Variants in ANXA13 observed in about 807,000 individuals in gnomAD.
The protein encoded by ANXA13 is annexin XIII.
A neutral mutation model predicts 46.6 loss-of-function variants in ANXA13; 36 were observed. That is an observed-to-expected ratio of 0.77 (90% CI 0.59 to 1.02). The LOEUF (loss-of-function observed/expected upper bound fraction) is 1.02. Ranked by LOEUF, ANXA13 falls within the 50% of genes least tolerant of loss-of-function variation. The pLI is 0.00. For synonymous variants in ANXA13, 163 were observed against 152.9 expected (o/e 1.07, Z -0.49); for missense variants, 417 against 396.5 (o/e 1.05, Z -0.44).
chr8:123,729,343 G>A (rs17258233), intron 1 of ANXA13: 39,125 of 152,058 alleles, frequency 0.26, 5,250 homozygotes, highest in Non-Finnish European at 0.28. Flanking sequence ...CCAACACATA[G>A]AAAGAAGAGA....
At chr8:123,683,823 G>A (rs1160374992) in intron 10 of ANXA13, among the ~76,000 whole-genome samples, 2 of 152,046 alleles carry the variant, frequency 1.3e-5, no homozygotes, top group African/African-American at 4.8e-5. Flanking sequence ...CTGACCTCAG[G>A]CGATCCACCC....
intron 7 of ANXA13, among the ~76,000 whole-genome samples, 171 bp downstream of exon 7, chr8:123,693,540 C>G (rs540645099): frequency 6.6e-6 from 1 of 152,212 alleles, no homozygotes; most frequent in Non-Finnish European, 1.5e-5. Flanking sequence ...AGAATAGGAA[C>G]CATTCATTTA....
chr8:123,725,757 GCT>G, intron 1 of ANXA13, among the ~76,000 whole-genome samples: 1 of 152,288 alleles, frequency 6.6e-6, no homozygotes, highest in African/African-American at 2.4e-5. Context: ...TGTAGTTATT[GCT>G]GTTTTCATTA....
At chr8:123,714,642 TTTAG>T (rs1813728974) in intron 1 of ANXA13, among the ~76,000 whole-genome samples, 1 of 152,198 alleles carries the variant, frequency 6.6e-6, no homozygotes, top group African/African-American at 2.4e-5. Context: ...GGCTTGAGGC[TTTAG>T]TTAATGGAGA....
chr8:123,731,261 G>A (rs1473738256), intron 1 of ANXA13, among the ~76,000 whole-genome samples: 3 of 152,092 alleles, frequency 2.0e-5, no homozygotes, highest in Non-Finnish European at 2.9e-5. Context: ...AATACCTGAC[G>A]TTAGACTCGT....
intron 2 of ANXA13, among the ~76,000 whole-genome samples, chr8:123,708,494 G>T (rs898119077): frequency 6.6e-6 from 1 of 152,172 alleles, no homozygotes; most frequent in Non-Finnish European, 1.5e-5. Context: ...CCCCGCTCTG[G>T]TGCTTAAGGG....
chr8:123,684,863 G>A (rs903279083), intron 9 of ANXA13, 141 bp from the exon 10 acceptor site: 37 of 633,678 alleles, frequency 5.8e-5, no homozygotes, highest in South Asian at 1.9e-4. Context: ...ACTTGACACC[G>A]TTGCGAAATG....
intron 1 of ANXA13, chr8:123,735,758 C>T: frequency 6.2e-7 from 1 of 1,610,796 alleles, no homozygotes; most frequent in Non-Finnish European, 8.5e-7. Context: ...TGCTTACAGG[C>T]TGTGGGGCCT....
At chr8:123,684,818 G>T in intron 9 of ANXA13, 96 bp from the exon 10 acceptor site, 3 of 841,504 alleles carry the variant, frequency 3.6e-6, no homozygotes, top group South Asian at 2.9e-5. Flanking sequence ...CCTTCGAGCT[G>T]ACTGGATGGT....
intron 2 of ANXA13, among the ~76,000 whole-genome samples, chr8:123,709,604 T>A (rs1217983187): frequency 6.6e-6 from 1 of 152,136 alleles, no homozygotes; most frequent in African/African-American, 2.4e-5. Context: ...ATGCTTAGTG[T>A]CCCAATAATG....
intron 5 of ANXA13, 39 bp from the exon 6 acceptor site, chr8:123,695,620 AT>A: frequency 1.2e-6 from 2 of 1,610,536 alleles, no homozygotes; most frequent in Non-Finnish European, 1.7e-6. Flanking sequence ...AAAGCAGATG[AT>A]TTAGTTTCCC....
At chr8:123,719,337 T>A (rs1319870441) in intron 1 of ANXA13, among the ~76,000 whole-genome samples, 1 of 152,232 alleles carries the variant, frequency 6.6e-6, no homozygotes, top group Non-Finnish European at 1.5e-5. Context: ...CTTTTTCTTC[T>A]TCTTTCTTCT....
chr8:123,712,222 C>T (rs111790609), intron 2 of ANXA13: 2 of 172,850 alleles, frequency 1.2e-5, no homozygotes, highest in Non-Finnish European at 2.5e-5. Flanking sequence ...TTCTCATTCT[C>T]TCTTTCCTGC....
At chr8:123,728,155 A>G (rs1814038464) in intron 1 of ANXA13, 1 of 152,126 alleles carries the variant, frequency 6.6e-6, no homozygotes, top group Non-Finnish European at 1.5e-5. Context: ...GAGAACTTGG[A>G]GTTTCTAGTA....
In ANXA13 at chr8:123,693,225, A is replaced by G. The variant is rs1276716956; in HGVS notation, c.614T>C (p.Leu205Ser). The change falls in exon 8 of 11, where the codon TTA becomes TCA. Residue 205 changes from leucine (L) to serine (S), a missense_variant. Leu to Ser is a moderately radical substitution (Grantham distance 145, BLOSUM62 -2). Transcript: ENST00000419625. ...EVLAKRSYKQ[L>S]RATFQAYQIL... ...TTGATAGGCTTGAAAGGTGGCTCGT[A>G]ACTGCTTGTAGCTCCTCTTGGCCAG... is the stretch of plus-strand genomic sequence containing the variant. 2.5e-6 allele frequency: 4 copies of G among 1,614,206 alleles called. No homozygotes were observed. The highest frequency in any genetic ancestry group is 3.4e-6 in the Non-Finnish European group (4 of 1,180,030).
intron 4 of ANXA13, 140 bp from the exon 5 acceptor site, chr8:123,695,861 TC>T: frequency 1.4e-6 from 1 of 705,562 alleles, no homozygotes. Flanking sequence ...TCCCTATAGG[TC>T]CAGGGCACAC....
At chr8:123,693,922 G>T in intron 6 of ANXA13, 143 bp from the exon 7 acceptor site, 1 of 697,734 alleles carries the variant, frequency 1.4e-6, no homozygotes, top group Non-Finnish European at 2.5e-6. Flanking sequence ...GGAAACACCT[G>T]CTCTTTGCTG....
chr8:123,735,690 T>G, intron 1 of ANXA13: 7 of 1,480,384 alleles, frequency 4.7e-6, no homozygotes, highest in Non-Finnish European at 5.4e-6. Flanking sequence ...CACTGGGGGC[T>G]CATATTGGCC....
At chr8:123,699,239 G>A (rs1813400354) in intron 3 of ANXA13, among the ~76,000 whole-genome samples, 1 of 152,138 alleles carries the variant, frequency 6.6e-6, no homozygotes, top group African/African-American at 2.4e-5. Context: ...GAGTGCAGTG[G>A]TGCAATCATG....
Sources: allele counts gnomAD v4.1 joint callset (sites outside exome capture counted in the v4.1 genomes callset), GRCh38; gene constraint gnomAD v4.1.1; transcripts MANE v1.5; gene names NCBI Gene and HGNC (gene_info 2026-07-23, HGNC 2026-07-21).